CPNE4: variants seen among roughly 807,000 people sequenced by gnomAD.
CPNE4 encodes the protein copine-4.
Under a neutral mutation model 67.9 loss-of-function variants are expected in CPNE4, and 25 were observed. The ratio of observed to expected loss-of-function variants is 0.37; its 90% CI spans 0.27 to 0.51. The LOEUF (loss-of-function observed/expected upper bound fraction) is 0.51. CPNE4 is among the 20% of genes least tolerant of loss of function. The pLI is 0.93. For missense variants in CPNE4, 464 were observed against 690.8 expected (o/e 0.67, Z 3.68); for synonymous variants, 242 against 244.9 (o/e 0.99, Z 0.11).
intron 3 of CPNE4, among the ~76,000 whole-genome samples, chr3:131,705,367 G>A (rs76402182): frequency 0.12 from 18,798 of 152,158 alleles, 1,269 homozygotes; most frequent in African/African-American, 0.16. Flanking sequence ...TGCTCTGCAG[G>A]CACATTGATG....
intron 2 of CPNE4, among the ~76,000 whole-genome samples, chr3:131,830,635 A>T (rs2085332293): frequency 6.6e-6 from 1 of 152,058 alleles, no homozygotes; most frequent in East Asian, 1.9e-4. Context: ...CCCTAATCTC[A>T]ACACTCTCCT....
chr3:131,705,359 C>T (rs979432832), intron 3 of CPNE4, among the ~76,000 whole-genome samples: 2 of 152,158 alleles, frequency 1.3e-5, no homozygotes, highest in Non-Finnish European at 2.9e-5. Context: ...CCCTCAGGTG[C>T]TCTGCAGGCA....
chr3:131,618,948 A>G (rs1940314560), intron 7 of CPNE4, among the ~76,000 whole-genome samples: 1 of 152,190 alleles, frequency 6.6e-6, no homozygotes, highest in South Asian at 2.1e-4. Flanking sequence ...TTTTATGGAA[A>G]GCAATATGAT....
At chr3:131,745,243 G>A (rs1014732434) in intron 2 of CPNE4, among the ~76,000 whole-genome samples, 5 of 151,932 alleles carry the variant, frequency 3.3e-5, no homozygotes, top group East Asian at 3.9e-4. Flanking sequence ...TTGATGAAAC[G>A]TCTCTTCATG....
At position 131,792,774 on chromosome 3, in the gene CPNE4, ATG is replaced by A. The variant is rs537451227; in HGVS notation, c.181-69151_181-69150del. Among the ~76,000 whole-genome samples the A allele has an allele frequency of 1.2e-3, 162 of 133,820 alleles. 1 individual carries two copies. Among genetic ancestry groups the A allele is most frequent in the African/African-American group, 3.0e-3 (107 of 36,034 alleles). The allele number at this position is 133,820 out of a possible 152,430, so 87.8% of individuals were successfully genotyped here. A position where few individuals can be genotyped will look rare whatever the true frequency, so the allele number is the denominator to read the frequency against. On this transcript the variant is annotated intron_variant, in intron 2 of 15. Transcript: ENST00000429747. ...ATATATACACACACTATATATGTAT[ATG>A]TGTGTGTATATATGTATATATTGTA... is the stretch of plus-strand genomic sequence containing the variant.
At chr3:131,714,764 T>C (rs1055296169) in intron 3 of CPNE4, among the ~76,000 whole-genome samples, 2 of 152,154 alleles carry the variant, frequency 1.3e-5, no homozygotes, top group Non-Finnish European at 2.9e-5. Context: ...TTAATATGCC[T>C]CCAGGTGATT....
chr3:131,615,418 G>A (rs931805207), intron 7 of CPNE4, among the ~76,000 whole-genome samples: 5 of 152,108 alleles, frequency 3.3e-5, no homozygotes, highest in African/African-American at 9.7e-5. Flanking sequence ...AACCTTGAAC[G>A]TGTGTACTTC....
intron 2 of CPNE4, among the ~76,000 whole-genome samples, chr3:131,820,986 T>C (rs1320564564): frequency 6.6e-6 from 1 of 152,202 alleles, no homozygotes; most frequent in East Asian, 1.9e-4. Context: ...GTTCCCTTTC[T>C]TTCCATTTTT....
In CPNE4 at chr3:131,535,260, C is replaced by T. The variant is rs913673496; in HGVS notation, c.1609G>A (p.Gly537Ser). ...VPNQVVDYYN[G>S]KGIKPKCSSE... is the part of the protein sequence containing the mutation. ...GAACATTTTGGTTTAATTCCTTTGC[C>T]ATTGTAATAGTCCACAACTTGGTTT... The change falls in exon 16 of 16, where the codon GGC (glycine) becomes AGC (serine). Residue 537 changes from glycine to serine, a missense_variant. Physicochemically the swap from Gly to Ser is moderately conservative, Grantham distance 56. Around this residue, in one of 6 missense-constraint regions of CPNE4, gnomAD observed 201 missense variants for 357.7 expected, o/e 0.56. Coordinates refer to ENST00000429747, the MANE Select transcript of CPNE4 (RefSeq NM_130808.3). 6.2e-7 allele frequency: 1 copy of T among 1,613,694 alleles called. No homozygotes were observed. Among genetic ancestry groups the T allele is most frequent in the East Asian group, 2.2e-5 (1 of 44,844 alleles).
chr3:131,856,585 G>A (rs2086453204), intron 2 of CPNE4, among the ~76,000 whole-genome samples: 2 of 151,958 alleles, frequency 1.3e-5, no homozygotes, highest in Admixed American at 1.3e-4. Flanking sequence ...TAAGGTCCTG[G>A]AAGAGAATAG....
intron 1 of CPNE4, among the ~76,000 whole-genome samples, chr3:131,961,037 T>C (rs1005829329): frequency 2.6e-5 from 4 of 152,154 alleles, no homozygotes; most frequent in African/African-American, 7.2e-5. Flanking sequence ...AAAAGAGGTA[T>C]AGAAATGTTC....
intron 7 of CPNE4, among the ~76,000 whole-genome samples, chr3:131,668,435 T>C (rs1212653266): frequency 6.6e-6 from 1 of 152,164 alleles, no homozygotes; most frequent in East Asian, 1.9e-4. Context: ...GTCTGCCTGA[T>C]GGACAGTGGA....
intron 2 of CPNE4, among the ~76,000 whole-genome samples, chr3:131,801,838 A>T (rs2084141100): frequency 7.3e-6 from 1 of 136,546 alleles, no homozygotes; most frequent in South Asian, 2.5e-4. Context: ...CCTAGTGGCA[A>T]TGCCTCCAAG....
At chr3:131,590,735 TAAA>T (rs908215917) in intron 7 of CPNE4, among the ~76,000 whole-genome samples, 1 of 152,136 alleles carries the variant, frequency 6.6e-6, no homozygotes, top group African/African-American at 2.4e-5. Context: ...AAAAATGTAG[TAAA>T]GTCAAGCAGA....
At chr3:131,596,934 T>C (rs934354529) in intron 7 of CPNE4, among the ~76,000 whole-genome samples, 3 of 152,188 alleles carry the variant, frequency 2.0e-5, no homozygotes, top group South Asian at 2.1e-4. Flanking sequence ...CTGACTGATA[T>C]AACTTTCTTC....
chr3:131,954,454 G>T (rs1200375834), intron 1 of CPNE4, among the ~76,000 whole-genome samples: 1 of 152,096 alleles, frequency 6.6e-6, no homozygotes, highest in Admixed American at 6.5e-5. Flanking sequence ...GGAAAAAACA[G>T]ATTCCCTATA....
At chr3:131,766,821 G>A (rs540507709) in intron 2 of CPNE4, among the ~76,000 whole-genome samples, 1 of 152,022 alleles carries the variant, frequency 6.6e-6, no homozygotes, top group Non-Finnish European at 1.5e-5. Context: ...TCACAGTTTT[G>A]TTCATCTGTT....
At chr3:131,853,911 C>T (rs973848766) in intron 2 of CPNE4, among the ~76,000 whole-genome samples, 1 of 151,848 alleles carries the variant, frequency 6.6e-6, no homozygotes, top group Non-Finnish European at 1.5e-5. Context: ...GCATGTAGAG[C>T]AACTGGAAAT....
At chr3:131,771,380 T>C (rs1374962825) in intron 2 of CPNE4, among the ~76,000 whole-genome samples, 2 of 152,102 alleles carry the variant, frequency 1.3e-5, no homozygotes, top group Non-Finnish European at 1.5e-5. Flanking sequence ...TGGGACCTAA[T>C]GTGAGGTGTT....
Sources: allele counts gnomAD v4.1 joint callset (sites outside exome capture counted in the v4.1 genomes callset), GRCh38; gene constraint gnomAD v4.1.1; regional missense constraint gnomAD v4.1.1; transcripts MANE v1.5; gene names NCBI Gene and HGNC (gene_info 2026-07-23, HGNC 2026-07-21).